MON2: variants seen among roughly 807,000 people sequenced by gnomAD.
The protein encoded by MON2 is MON2 regulator of endosome-to-Golgi trafficking.
MON2 carries 84 observed loss-of-function variants against 208.6 expected under a neutral mutation model. That is an observed-to-expected ratio of 0.40 (90% CI 0.34 to 0.48). MON2 has a LOEUF of 0.48. Ranked by LOEUF, MON2 falls within the 20% of genes least tolerant of loss-of-function variation. The pLI is 0.59. For synonymous variants in MON2, 660 were observed against 694.0 expected (o/e 0.95, Z 0.77); for missense variants, 1,611 against 2,015.4 (o/e 0.80, Z 3.84).
rs753899543 is a variant in MON2 at position 62,561,005 on chromosome 12, A to G, written c.3924A>G (p.Ser1308=). Residue 1308 remains serine (S), a synonymous_variant, in exon 26 of 35, where the codon TCA becomes TCG. Transcript: ENST00000393630. The part of the protein sequence containing the change: ...KLGVILHSAI[S]VPISSDASPF... ...GAGTCATATTGCACAGTGCTATTTC[A>G]GTCCCAATAAGTTCAGATGCATCCC... 1.9e-6 allele frequency: 3 copies of G among 1,613,912 alleles called. No homozygotes were observed. The South Asian group carries it at 3.3e-5, about 18-fold the overall frequency.
intron 3 of MON2, 142 bp from the exon 4 acceptor site, chr12:62,494,874 C>T: frequency 1.9e-6 from 1 of 517,460 alleles, no homozygotes; most frequent in Non-Finnish European, 3.2e-6. Context: ...GTGTTTGGAT[C>T]TAGAAATCTA....
chr12:62,599,603 GA>G lies in MON2; in HGVS notation c.*6856del, dbSNP rs1241239020. ...TTAATCCTCAAAGTAGCCTTGCAAA[GA>G]AGTTATTTTCATTTTACAGAAGAGT... On this transcript the variant is annotated 3_prime_UTR_variant, in exon 35 of 35. Transcript: ENST00000393630. 1 of 152,182 alleles carries G rather than the reference GA, an allele frequency of 6.6e-6. No homozygotes were observed. Among genetic ancestry groups the G allele is most frequent in the Non-Finnish European group, 1.5e-5 (1 of 68,040 alleles). The allele number at this position is 152,182 out of a possible 1,614,324, so 9.4% of individuals were successfully genotyped here. A position where few individuals can be genotyped will look rare whatever the true frequency, so the allele number is the denominator to read the frequency against.
chr12:62,490,145 C>T (rs190420278), intron 2 of MON2: 264 of 342,160 alleles, frequency 7.7e-4, no homozygotes, highest in African/African-American at 5.3e-3. Flanking sequence ...TTTGATCTCA[C>T]AGTTGTATAA....
intron 8 of MON2, among the ~76,000 whole-genome samples, chr12:62,512,916 G>A (rs971480165): frequency 6.6e-6 from 1 of 152,194 alleles, no homozygotes; most frequent in African/African-American, 2.4e-5. Flanking sequence ...ACACCATGTG[G>A]AAGCTGCCAA....
At chr12:62,547,433 AATT>A (rs1292381466) in intron 22 of MON2, among the ~76,000 whole-genome samples, 1 of 152,232 alleles carries the variant, frequency 6.6e-6, no homozygotes, top group African/African-American at 2.4e-5. Flanking sequence ...TGTTTTGTTA[AATT>A]ATTTGATAAG....
At chr12:62,513,499 T>G (rs908290386) in intron 8 of MON2, among the ~76,000 whole-genome samples, 9 of 152,036 alleles carry the variant, frequency 5.9e-5, no homozygotes, top group Non-Finnish European at 8.8e-5. Context: ...GTGCTGGGAT[T>G]ATAGGCATGA....
intron 10 of MON2, among the ~76,000 whole-genome samples, 184 bp downstream of exon 10, chr12:62,525,404 A>G (rs944395906): frequency 4.6e-5 from 7 of 152,134 alleles, no homozygotes; most frequent in Admixed American, 2.0e-4. Flanking sequence ...TCTTTTTTCC[A>G]GAATAGATTT....
Position 62,560,648 on chromosome 12 carries a change from T to C in MON2, c.3567T>C (p.Pro1189=). ...ACTCAGATAAGCCTGAGACACCACC[T>C]GTAGTTAATGTACCTGTGCCTGTTC... ...VRDSDKPETP[P]VVNVPVPVLI... is the part of the protein sequence containing the mutation. The change falls in exon 26 of 35, where the codon CCT becomes CCC. Residue 1189 remains proline (P), a synonymous_variant. Transcript: ENST00000393630. The C allele has an allele frequency of 6.2e-7, 1 of 1,614,114 alleles. No individual in the cohort carries two copies. The highest frequency in any genetic ancestry group is 1.3e-5 in the African/African-American group (1 of 75,056).
intron 7 of MON2, among the ~76,000 whole-genome samples, chr12:62,504,797 C>G (rs547301150): frequency 6.6e-6 from 1 of 152,168 alleles, no homozygotes; most frequent in Non-Finnish European, 1.5e-5. Context: ...GTGGCACTTA[C>G]AATTCTAATG....
chr12:62,516,903 TAAAC>T (rs1455425319), intron 8 of MON2, among the ~76,000 whole-genome samples: 1 of 152,100 alleles, frequency 6.6e-6, no homozygotes, highest in African/African-American at 2.4e-5. Flanking sequence ...TATTTTTAAG[TAAAC>T]AAAATAGTGG....
chr12:62,470,758 G>T, intron 1 of MON2: 1 of 1,109,332 alleles, frequency 9.0e-7, no homozygotes, highest in Non-Finnish European at 1.1e-6. Flanking sequence ...GTCATTCCTA[G>T]CAGAGGAAAT....
chr12:62,574,776 C>G (rs2074716302), intron 30 of MON2, among the ~76,000 whole-genome samples: 1 of 152,070 alleles, frequency 6.6e-6, no homozygotes, highest in Non-Finnish European at 1.5e-5. Flanking sequence ...GACTTGCTGT[C>G]TACTTTCTGT....
chr12:62,506,390 T>C (rs2136103855), intron 7 of MON2, among the ~76,000 whole-genome samples: 1 of 152,340 alleles, frequency 6.6e-6, no homozygotes, highest in Admixed American at 6.5e-5. Flanking sequence ...GACTTTTATT[T>C]TTATCTTTTT....
chr12:62,589,623 G>A (rs2075327007), intron 34 of MON2, among the ~76,000 whole-genome samples: 1 of 151,744 alleles, frequency 6.6e-6, no homozygotes, highest in Admixed American at 6.6e-5. Flanking sequence ...TTCAAAAAGT[G>A]TCCTGGGCTG....
intron 19 of MON2, among the ~76,000 whole-genome samples, chr12:62,539,324 G>A (rs530268858): frequency 2.0e-5 from 3 of 151,024 alleles, no homozygotes; most frequent in Non-Finnish European, 4.4e-5. Flanking sequence ...CTAGAGTGCA[G>A]TGGCGCAATC....
At chr12:62,570,663 G>A (rs11174552) in intron 29 of MON2, among the ~76,000 whole-genome samples, 4,479 of 150,466 alleles carry the variant, frequency 0.03, 184 homozygotes, top group African/African-American at 0.092. Flanking sequence ...TTGCATATGG[G>A]ATATCCACAT....
chr12:62,526,007 T>C lies in MON2; in HGVS notation c.1305T>C (p.Ile435=). ...CAGCTAACTCAGGAATGGTGGGGAT[T>C]GGTGGAGGTGTTACTTTGCTACCAG... ...SAPANSGMVG[I]GGGVTLLPAF... Residue 435 remains isoleucine, a synonymous_variant, in exon 11 of 35, where the codon ATT becomes ATC. Transcript: ENST00000393630. The C allele has an allele frequency of 6.2e-7, 1 of 1,613,874 alleles. No individual in the cohort carries two copies. The highest frequency in any genetic ancestry group is 8.5e-7 in the Non-Finnish European group (1 of 1,179,806).
chr12:62,570,274 A>G (rs531381616), intron 29 of MON2, among the ~76,000 whole-genome samples: 1 of 152,314 alleles, frequency 6.6e-6, no homozygotes, highest in South Asian at 2.1e-4. Flanking sequence ...GTACCCCTCA[A>G]TGGTCAAATC....
chr12:62,583,780 C>G (rs2075089670), intron 32 of MON2, among the ~76,000 whole-genome samples: 2 of 147,776 alleles, frequency 1.4e-5, no homozygotes. Context: ...GAAACCCTGT[C>G]TCTACTAAAA....
Sources: gnomAD v4.1 joint callset for allele counts (sites outside exome capture counted in the v4.1 genomes callset) on GRCh38, gnomAD v4.1.1 for gene constraint, MANE v1.5 for transcripts, NCBI Gene and HGNC (gene_info 2026-07-23, HGNC 2026-07-21) for gene names.